LYPD6: variants seen among roughly 807,000 people sequenced by gnomAD.
LYPD6 encodes LY6/PLAUR domain containing 6, also known as ly6/PLAUR domain-containing protein 6.
A neutral mutation model predicts 22.7 loss-of-function variants in LYPD6; 15 were observed. That is an observed-to-expected ratio of 0.66 (90% CI 0.44 to 1.02). LYPD6 has a LOEUF of 1.02. Ranked by LOEUF, LYPD6 falls within the 50% of genes least tolerant of loss-of-function variation. LYPD6 has a pLI of 0.00. For synonymous variants in LYPD6, 72 were observed against 77.5 expected, an observed-to-expected ratio of 0.93 and a Z score of 0.37; for missense variants, 189 against 208.4, an observed-to-expected ratio of 0.91 and a Z score of 0.57.
intron 1 of LYPD6, among the ~76,000 whole-genome samples, chr2:149,366,002 C>T (rs1181393855): frequency 3.3e-5 from 5 of 152,198 alleles, no homozygotes; most frequent in Admixed American, 3.3e-4. Context: ...ATGACACCGA[C>T]ATTACTCTCA....
In LYPD6 at chr2:149,468,742, T is replaced by G; in HGVS notation, c.315T>G (p.Thr105=). The G allele has an allele frequency of 6.2e-7, 1 of 1,613,624 alleles. No individual in the cohort carries two copies. The highest frequency in any genetic ancestry group is 2.2e-5 in the East Asian group (1 of 44,858). The change falls in exon 4 of 5, where the codon ACT becomes ACG. Residue 105 remains threonine, a synonymous_variant. Coordinates refer to ENST00000334166, the MANE Select transcript of LYPD6 (RefSeq NM_194317.5). Reference sequence around the variant, plus strand: ...TCCCACTGGAAGAGTGCTTATCCACTGGCTGCAGAGACTCCGAGCATGAAG... The same window carrying G: ...TCCCACTGGAAGAGTGCTTATCCACGGGCTGCAGAGACTCCGAGCATGAAG... The part of the protein sequence containing the change: ...RCVPLEECLS[T]GCRDSEHEGH...
At chr2:149,423,111 G>T (rs748743448) in intron 1 of LYPD6, among the ~76,000 whole-genome samples, 111 of 152,160 alleles carry the variant, frequency 7.3e-4, no homozygotes, top group Non-Finnish European at 1.3e-3. Flanking sequence ...ATAACCATCT[G>T]CCCCCACAGG....
At chr2:149,353,719 A>G (rs1681400586) in intron 1 of LYPD6, among the ~76,000 whole-genome samples, 1 of 152,134 alleles carries the variant, frequency 6.6e-6, no homozygotes. Flanking sequence ...AAATTTGTTC[A>G]TATGTGACTT....
intron 1 of LYPD6, among the ~76,000 whole-genome samples, chr2:149,410,828 G>A (rs1303134574): frequency 6.6e-6 from 1 of 152,108 alleles, no homozygotes; most frequent in Non-Finnish European, 1.5e-5. Flanking sequence ...ATTATGAAGG[G>A]CCCAGGCAAG....
intron 1 of LYPD6, among the ~76,000 whole-genome samples, chr2:149,407,708 C>G (rs1682753042): frequency 6.6e-6 from 1 of 152,144 alleles, no homozygotes; most frequent in Non-Finnish European, 1.5e-5. Flanking sequence ...GTAGTTTGAT[C>G]ATCTGAAGCC....
At chr2:149,355,412 T>G (rs73966480) in intron 1 of LYPD6, among the ~76,000 whole-genome samples, 56 of 152,368 alleles carry the variant, frequency 3.7e-4, no homozygotes, top group African/African-American at 1.3e-3. Flanking sequence ...AAATACTTTG[T>G]CAGAGTCTTG....
intron 1 of LYPD6, among the ~76,000 whole-genome samples, chr2:149,358,603 G>C (rs1295229335): frequency 1.3e-5 from 2 of 152,128 alleles, no homozygotes; most frequent in Non-Finnish European, 2.9e-5. Context: ...TGAGTATCTA[G>C]AAGTGGGACA....
At chr2:149,454,848 A>G (rs866895644) in intron 3 of LYPD6, among the ~76,000 whole-genome samples, 2 of 152,296 alleles carry the variant, frequency 1.3e-5, no homozygotes, top group South Asian at 4.2e-4. Context: ...GGAGACCATC[A>G]GTCTCGCTTC....
intron 1 of LYPD6, among the ~76,000 whole-genome samples, chr2:149,369,635 G>A (rs1351134304): frequency 6.6e-6 from 1 of 152,130 alleles, no homozygotes; most frequent in Non-Finnish European, 1.5e-5. Flanking sequence ...ACCATGGGCA[G>A]CTGAAATGAT....
chr2:149,378,971 A>G (rs1681999338), intron 1 of LYPD6, among the ~76,000 whole-genome samples: 1 of 152,218 alleles, frequency 6.6e-6, no homozygotes, highest in Non-Finnish European at 1.5e-5. Context: ...TTTAACAGAG[A>G]GATTATATTT....
In LYPD6 at chr2:149,379,500, A is replaced by T. The variant is rs942695739; in HGVS notation, c.-72+48778A>T. Among the ~76,000 whole-genome samples the T allele has an allele frequency of 1.9e-4, 29 of 152,212 alleles. 1 individual carries two copies. Among genetic ancestry groups the T allele is most frequent in the African/African-American group, 5.8e-4 (24 of 41,444 alleles). On this transcript the variant is annotated intron_variant, in intron 1 of 4. Coordinates refer to ENST00000334166, the MANE Select transcript of LYPD6 (RefSeq NM_194317.5). ...CATTTTACAATTGATATTTGGAAAA[A>T]ATTCTGGGTTAGTTCCTATTAGATT... is the stretch of plus-strand genomic sequence containing the variant.
At chr2:149,386,555 G>C (rs1197480715) in intron 1 of LYPD6, among the ~76,000 whole-genome samples, 1 of 152,188 alleles carries the variant, frequency 6.6e-6, no homozygotes, top group Non-Finnish European at 1.5e-5. Flanking sequence ...AGCCGTGCAT[G>C]TAGACATATT....
At chr2:149,385,733 G>A (rs1682167998) in intron 1 of LYPD6, among the ~76,000 whole-genome samples, 1 of 152,180 alleles carries the variant, frequency 6.6e-6, no homozygotes, top group Admixed American at 6.5e-5. Context: ...GGGGAAAGGG[G>A]TTGACTTTTC....
chr2:149,406,688 T>C (rs948360346), intron 1 of LYPD6, among the ~76,000 whole-genome samples: 3 of 152,342 alleles, frequency 2.0e-5, no homozygotes, highest in East Asian at 3.9e-4. Flanking sequence ...CTTTATCCAA[T>C]TTGCCAGTCT....
chr2:149,411,158 A>G (rs1436497491), intron 1 of LYPD6, among the ~76,000 whole-genome samples: 2 of 152,168 alleles, frequency 1.3e-5, no homozygotes, highest in Non-Finnish European at 2.9e-5. Flanking sequence ...AATGACTCAA[A>G]TGGGAGTGGG....
At chr2:149,429,097 C>T (rs959365793) in intron 1 of LYPD6, among the ~76,000 whole-genome samples, 6 of 152,088 alleles carry the variant, frequency 3.9e-5, no homozygotes, top group African/African-American at 1.4e-4. Context: ...AAACCAATAC[C>T]TCCCACATTC....
intron 4 of LYPD6, among the ~76,000 whole-genome samples, chr2:149,469,014 T>C (rs1043040117): frequency 6.6e-6 from 1 of 152,212 alleles, no homozygotes; most frequent in South Asian, 2.1e-4. Context: ...TTCAGTGTTA[T>C]TGTAATAACT....
At chr2:149,386,973 G>A (rs1682201659) in intron 1 of LYPD6, among the ~76,000 whole-genome samples, 1 of 152,148 alleles carries the variant, frequency 6.6e-6, no homozygotes, top group African/African-American at 2.4e-5. Flanking sequence ...TTATGAAAAT[G>A]GAGCACTCTG....
intron 3 of LYPD6, among the ~76,000 whole-genome samples, chr2:149,462,903 C>T (rs1262412795): frequency 6.6e-6 from 1 of 151,928 alleles, no homozygotes; most frequent in Admixed American, 6.6e-5. Context: ...TAAAGTGAAT[C>T]ACAGACTTAA....
Sources: allele counts gnomAD v4.1 joint callset (sites outside exome capture counted in the v4.1 genomes callset), GRCh38; gene constraint gnomAD v4.1.1; transcripts MANE v1.5; gene names NCBI Gene and HGNC (gene_info 2026-07-23, HGNC 2026-07-21).